The following P4HA3 variants were observed in gnomAD, a reference collection of about 807,000 sequenced individuals.
P4HA3 encodes the protein prolyl 4-hydroxylase subunit alpha 3.
Under a neutral mutation model 66.7 loss-of-function variants are expected in P4HA3, and 60 were observed. The ratio of observed to expected loss-of-function variants is 0.90; its 90% CI spans 0.73 to 1.12. The LOEUF (loss-of-function observed/expected upper bound fraction) is 1.12. Ranked by LOEUF, P4HA3 falls within the 50% of genes most tolerant of loss-of-function variation. The probability of loss-of-function intolerance (pLI) is 0.00; values close to 1 mark genes in which losing one functional copy is unlikely to be tolerated. For missense variants in P4HA3, 683 were observed against 685.8 expected, an observed-to-expected ratio of 1.00 and a Z score of 0.05; for synonymous variants, 263 against 274.6, an observed-to-expected ratio of 0.96 and a Z score of 0.42.
chr11:74,254,622 G>T (rs1859787384), intron 15 of P4HA3: 1 of 153,102 alleles, frequency 6.5e-6, no homozygotes. Context: ...CTGTCCTGCT[G>T]CATGGTCCGG....
chr11:74,302,542 C>T lies in P4HA3; in HGVS notation c.394G>A (p.Asp132Asn), dbSNP rs1402207699. The change falls in exon 3 of 13, where the codon GAC becomes AAC. Residue 132 changes from aspartate (D) to asparagine (N), a missense_variant. Transcript: ENST00000331597. ...AGGGCCCTTGCTGCTCCCTCAAGGT[C>T]CTCAAAGGCTGGAAGGTCTTGCTCC... ...KVEQDLPAFE[D>N]LEGAARALMR... is the part of the protein sequence containing the mutation. 5.0e-6 allele frequency: 8 copies of T among 1,614,190 alleles called. No individual in the cohort carries two copies. The highest frequency in any genetic ancestry group is 5.9e-6 in the Non-Finnish European group (7 of 1,180,034).
At chr11:74,287,175 T>C in intron 5 of P4HA3, 2 of 1,272,200 alleles carry the variant, frequency 1.6e-6, no homozygotes, top group Non-Finnish European at 2.0e-6. Context: ...ACCCGTGGCC[T>C]GCTGGCCTCT....
rs1157573638 is a variant in P4HA3, at chr11:74,286,318, C to A, written c.843G>T (p.Val281=). 2 of 1,608,850 alleles carry A rather than the reference C, an allele frequency of 1.2e-6. No homozygotes were observed. Among genetic ancestry groups the A allele is most frequent in the Non-Finnish European group, 1.7e-6 (2 of 1,177,982 alleles). ...ERLLAESPNH[V]VAEAVIQRPN... ...GCCTCTGGATGACAGCCTCAGCTAC[C>A]ACGTGGTTGGGGCTCTCTGCCAAGA... The change falls in exon 6 of 13, where the codon GTG becomes GTT. Residue 281 remains valine (V), a synonymous_variant. Transcript: ENST00000331597.
intron 4 of P4HA3, among the ~76,000 whole-genome samples, chr11:74,297,876 A>C (rs1227848493): frequency 6.6e-6 from 1 of 152,250 alleles, no homozygotes; most frequent in Non-Finnish European, 1.5e-5. Context: ...GAACCCATTA[A>C]CTATTTGTGA....
chr11:74,253,433 G>C, intron 15 of P4HA3: 1 of 1,538,476 alleles, frequency 6.5e-7, no homozygotes, highest in Non-Finnish European at 9.0e-7. Context: ...ATACAGATAA[G>C]CAAGGGAAAG....
rs1591084888 is a variant in P4HA3, at chr11:74,266,970, G to A, written c.*278C>T. On this transcript the variant is annotated 3_prime_UTR_variant, in exon 13 of 13. Transcript: ENST00000331597. ...TGAGATGTCCTGTTCCCAACAGAGA[G>A]TATCTGAACTCCAGAAACTTCCCTC... 3 of 1,427,270 alleles carry A rather than the reference G, an allele frequency of 2.1e-6. No homozygotes were observed. Among genetic ancestry groups the A allele is most frequent in the Non-Finnish European group, 9.3e-7 (1 of 1,072,360 alleles). 88.4% of individuals were successfully genotyped at this position (1,427,270 alleles called of 1,614,324 possible). A position where few individuals can be genotyped will look rare whatever the true frequency, so the allele number is the denominator to read the frequency against.
At chr11:74,307,377 AGTCATGC>A (rs141409256) in intron 1 of P4HA3, among the ~76,000 whole-genome samples, 118 of 152,334 alleles carry the variant, frequency 7.7e-4, no homozygotes, top group Non-Finnish European at 1.4e-3. Context: ...ATTTGCCCCA[AGTCATGC>A]ATCAAATCAA....
In P4HA3 at chr11:74,269,665, A is replaced by C. The variant is rs144192662; in HGVS notation, c.1454T>G (p.Val485Gly). Residue 485 changes from valine to glycine, a missense_variant, in exon 11 of 13, where the codon GTG becomes GGG. Transcript: ENST00000331597. Reference sequence around the variant, plus strand: ...GGCCCCACTCACCCTAACCACAGGCACGCTGAGGTTGGCATAGATGAAGGC... The same window carrying C: ...GGCCCCACTCACCCTAACCACAGGCCCGCTGAGGTTGGCATAGATGAAGGC... ...ATAFIYANLS[V>G]PVVRNAALFW... The C allele has an allele frequency of 6.8e-6, 11 of 1,613,766 alleles. No homozygotes were observed. The highest frequency in any genetic ancestry group is 9.3e-6 in the Non-Finnish European group (11 of 1,179,882).
intron 9 of P4HA3, 49 bp downstream of exon 9, chr11:74,276,936 A>C: frequency 6.5e-7 from 1 of 1,547,438 alleles, no homozygotes. Context: ...GAAATAAATA[A>C]TGCCCTGGCT....
chr11:74,282,565 G>C (rs1185541494), intron 7 of P4HA3, among the ~76,000 whole-genome samples: 5 of 152,196 alleles, frequency 3.3e-5, no homozygotes, highest in Non-Finnish European at 7.3e-5. Context: ...GTTGGCAGCA[G>C]CCAGGCCATG....
At chr11:74,290,584 C>T (rs1860980489) in intron 4 of P4HA3, among the ~76,000 whole-genome samples, 1 of 151,756 alleles carries the variant, frequency 6.6e-6, no homozygotes, top group Non-Finnish European at 1.5e-5. Context: ...TTAGGTCTAA[C>T]ATTTAAGTCT....
intron 4 of P4HA3, among the ~76,000 whole-genome samples, chr11:74,291,913 G>C (rs1245455979): frequency 6.6e-6 from 1 of 151,864 alleles, no homozygotes; most frequent in Non-Finnish European, 1.5e-5. Context: ...TCTCTTTTTT[G>C]GTTGTGTCTC....
chr11:74,279,494 G>A (rs1860517742), intron 7 of P4HA3, 42 bp from the exon 8 acceptor site: 7 of 1,592,024 alleles, frequency 4.4e-6, no homozygotes, highest in East Asian at 2.2e-5. Flanking sequence ...TGGTTATGAT[G>A]CAAAAGGAAA....
At chr11:74,273,428 C>T in intron 10 of P4HA3, 117 bp downstream of exon 10, 5 of 923,436 alleles carry the variant, frequency 5.4e-6, no homozygotes, top group Non-Finnish European at 5.9e-6. Context: ...CGCAAAATTC[C>T]TGGAGATTTT....
chr11:74,252,345 C>G (rs1489129448), intron 15 of P4HA3: 3 of 431,810 alleles, frequency 6.9e-6, no homozygotes, highest in African/African-American at 6.1e-5. Flanking sequence ...GCATCGGCCT[C>G]CTAAAGTGTT....
intron 2 of P4HA3, among the ~76,000 whole-genome samples, chr11:74,302,838 T>A (rs934476624): frequency 5.9e-5 from 9 of 152,222 alleles, no homozygotes; most frequent in Non-Finnish European, 1.3e-4. Context: ...TATTGTCCTA[T>A]CCTGTATGTT....
At chr11:74,272,775 A>G (rs1860251157) in intron 10 of P4HA3, among the ~76,000 whole-genome samples, 2 of 152,184 alleles carry the variant, frequency 1.3e-5, no homozygotes, top group African/African-American at 2.4e-5. Context: ...ACCCTTATAT[A>G]TGTTTGTCCC....
chr11:74,251,284 C>A, intron 15 of P4HA3: 4 of 1,360,602 alleles, frequency 2.9e-6, no homozygotes, highest in South Asian at 3.9e-5. Flanking sequence ...TTCTCCAATA[C>A]CCCCAAAAGC....
intron 15 of P4HA3, among the ~76,000 whole-genome samples, chr11:74,254,873 G>T (rs1859794006): frequency 6.6e-6 from 1 of 152,112 alleles, no homozygotes; most frequent in Non-Finnish European, 1.5e-5. Context: ...GGGATGGTCA[G>T]AGCCACCCTC....
Sources: gnomAD v4.1 joint callset for allele counts (sites outside exome capture counted in the v4.1 genomes callset) on GRCh38, gnomAD v4.1.1 for gene constraint, MANE v1.5 for transcripts, NCBI Gene and HGNC (gene_info 2026-07-23, HGNC 2026-07-21) for gene names.